SUMF1: variants seen among roughly 807,000 people sequenced by gnomAD.
SUMF1 encodes the protein formylglycine-generating enzyme.
A neutral mutation model predicts 47.6 loss-of-function variants in SUMF1; 48 were observed. The observed-to-expected ratio is 1.01, with a 90% CI of 0.80 to 1.28. SUMF1 has a LOEUF of 1.28. Ranked by LOEUF, SUMF1 falls within the 50% of genes most tolerant of loss-of-function variation. The pLI is 0.00. For missense variants in SUMF1, 571 were observed against 485.4 expected (o/e 1.18, Z -1.66); for synonymous variants, 230 against 192.1 (o/e 1.20, Z -1.63).
At chr3:4,463,624 A>C (rs2125175457) in intron 1 of SUMF1, among the ~76,000 whole-genome samples, 1 of 152,324 alleles carries the variant, frequency 6.6e-6, no homozygotes, top group Non-Finnish European at 1.5e-5. Context: ...GGAGGTGGAA[A>C]GGTTTCATGG....
intron 8 of SUMF1, among the ~76,000 whole-genome samples, chr3:4,111,139 G>C (rs558693179): frequency 6.6e-6 from 1 of 150,830 alleles, no homozygotes; most frequent in South Asian, 2.1e-4. Flanking sequence ...ATTGGTTCCA[G>C]GACCCCTACA....
rs114341755 is a variant in SUMF1, at chr3:4,116,738, G to A, written c.1015-47993C>T. On this transcript the variant is annotated intron_variant and NMD_transcript_variant, in intron 8 of 12. Transcript: ENST00000448413. ...TTCTTATCTGGTATCTTCAGTATAG[G>A]GTATCGTGCTGAAAATAAGTACTAA... Among the ~76,000 whole-genome samples the A allele has an allele frequency of 7.0e-3, 1,063 of 151,960 alleles. 13 individuals carry two copies. The highest frequency in any genetic ancestry group is 0.024 in the African/African-American group (1,002 of 41,376).
intron 3 of SUMF1, among the ~76,000 whole-genome samples, chr3:4,442,566 G>A (rs2125105298): frequency 7.5e-6 from 1 of 134,012 alleles, no homozygotes; most frequent in East Asian, 2.3e-4. Context: ...TTCCAGAATA[G>A]AGCCTCACAC....
chr3:4,049,604 A>G (rs145673193), intron 9 of SUMF1, among the ~76,000 whole-genome samples: 4 of 152,102 alleles, frequency 2.6e-5, no homozygotes, highest in Non-Finnish European at 4.4e-5. Context: ...AGCCAGAGTA[A>G]GCACCCCTGG....
At chr3:4,417,891 A>G in intron 5 of SUMF1, 119 bp downstream of exon 5, 6 of 1,557,364 alleles carry the variant, frequency 3.9e-6, no homozygotes, top group South Asian at 2.3e-5. Flanking sequence ...AAAAATAAGA[A>G]AAAGAATTAT....
intron 7 of SUMF1, among the ~76,000 whole-genome samples, chr3:4,389,620 G>A (rs1481379085): frequency 1.3e-5 from 2 of 152,088 alleles, no homozygotes; most frequent in Admixed American, 6.6e-5. Context: ...TTATAATCAC[G>A]TAGATCCTTG....
At chr3:4,431,789 A>T (rs976896028) in intron 3 of SUMF1, among the ~76,000 whole-genome samples, 38 of 152,352 alleles carry the variant, frequency 2.5e-4, no homozygotes, top group African/African-American at 8.7e-4. Context: ...TCCGGCTGGC[A>T]AAAGTGATTG....
In SUMF1 at chr3:4,453,050, C is replaced by G. The variant is rs376109464; in HGVS notation, c.271-1G>C. 12 of 1,611,888 alleles carry G rather than the reference C, an allele frequency of 7.4e-6. No individual in the cohort carries two copies. In the African/African-American group the frequency reaches 1.6e-4, roughly 22 times the overall value. ...ATACTCCAGCAGGGATGGGGACCAT[C>G]TACAATGAAAGGTGAAACACAGGAA... On this transcript the variant is annotated splice_acceptor_variant, in intron 1 of 8. Coordinates refer to ENST00000272902, the MANE Select transcript of SUMF1 (RefSeq NM_182760.4). LOFTEE classifies it high-confidence loss of function.
intron 8 of SUMF1, among the ~76,000 whole-genome samples, chr3:4,322,606 G>C (rs1575097342): frequency 6.6e-6 from 1 of 151,850 alleles, no homozygotes; most frequent in East Asian, 1.9e-4. Context: ...GCTGCAGTGA[G>C]CTATGATCCT....
chr3:4,108,517 G>A (rs1022259748), intron 8 of SUMF1, among the ~76,000 whole-genome samples: 2 of 152,104 alleles, frequency 1.3e-5, no homozygotes, highest in African/African-American at 2.4e-5. Context: ...AATGTTGACA[G>A]TGGGGTGTTA....
At chr3:4,036,093 T>A (rs888213749) in intron 9 of SUMF1, among the ~76,000 whole-genome samples, 10 of 152,138 alleles carry the variant, frequency 6.6e-5, no homozygotes, top group Non-Finnish European at 1.5e-4. Flanking sequence ...AAATAATGAA[T>A]GTATTTAGCT....
intron 8 of SUMF1, among the ~76,000 whole-genome samples, chr3:4,239,960 G>C (rs934191540): frequency 2.0e-5 from 3 of 152,076 alleles, no homozygotes; most frequent in African/African-American, 7.2e-5. Flanking sequence ...CTAGTTTATT[G>C]AGAGTTTTTA....
chr3:4,140,177 C>A (rs1165879098), intron 8 of SUMF1, among the ~76,000 whole-genome samples: 1 of 151,964 alleles, frequency 6.6e-6, no homozygotes, highest in Non-Finnish European at 1.5e-5. Flanking sequence ...CATAGGATAC[C>A]TGGGATAGAA....
At chr3:4,293,296 G>A (rs112002461) in intron 8 of SUMF1, among the ~76,000 whole-genome samples, 4 of 152,058 alleles carry the variant, frequency 2.6e-5, no homozygotes. Flanking sequence ...CCATTCCACT[G>A]TTGCAAAGAA....
chr3:4,110,452 A>G (rs1227393476), intron 8 of SUMF1, among the ~76,000 whole-genome samples: 2 of 152,082 alleles, frequency 1.3e-5, no homozygotes, highest in African/African-American at 4.8e-5. Flanking sequence ...TCAGGGATCT[A>G]GAACTAGAAA....
chr3:4,204,652 G>T (rs1695612216), intron 8 of SUMF1, among the ~76,000 whole-genome samples: 1 of 151,820 alleles, frequency 6.6e-6, no homozygotes, highest in Admixed American at 6.6e-5. Flanking sequence ...GATCTTATAG[G>T]CATGCTTCAT....
At chr3:4,052,426 C>G (rs1011152750) in intron 9 of SUMF1, among the ~76,000 whole-genome samples, 1 of 152,188 alleles carries the variant, frequency 6.6e-6, no homozygotes, top group Non-Finnish European at 1.5e-5. Context: ...TGACCAAAGA[C>G]TAGAGCTTGG....
chr3:4,103,473 C>T (rs770584616), intron 8 of SUMF1, among the ~76,000 whole-genome samples: 3 of 151,732 alleles, frequency 2.0e-5, no homozygotes, highest in Non-Finnish European at 4.4e-5. Context: ...TTTGCTGGAA[C>T]ATGAAGAAAG....
At chr3:4,081,293 T>C (rs1414045655) in intron 8 of SUMF1, among the ~76,000 whole-genome samples, 1 of 152,140 alleles carries the variant, frequency 6.6e-6, no homozygotes, top group Non-Finnish European at 1.5e-5. Context: ...CAGTGTTCCT[T>C]CTGCCTCATC....
Sources: allele counts gnomAD v4.1 joint callset (sites outside exome capture counted in the v4.1 genomes callset), GRCh38; gene constraint gnomAD v4.1.1; transcripts MANE v1.5; gene names NCBI Gene and HGNC (gene_info 2026-07-23, HGNC 2026-07-21).